The following SIPA1L1 variants were observed in gnomAD, a reference collection of about 807,000 sequenced individuals.
SIPA1L1 encodes the protein signal-induced proliferation-associated 1-like protein 1.
SIPA1L1 carries 26 observed loss-of-function variants against 162.7 expected under a neutral mutation model. That is an observed-to-expected ratio of 0.16 (90% CI 0.12 to 0.22). SIPA1L1 has a LOEUF of 0.22. Among genes scored for constraint, SIPA1L1 ranks in the 10% least tolerant of loss-of-function variants. The pLI, the probability that SIPA1L1 is intolerant of heterozygous loss-of-function variation, is 1.00. For synonymous variants in SIPA1L1, 829 were observed against 837.4 expected, an observed-to-expected ratio of 0.99 and a Z score of 0.17; for missense variants, 1,874 against 2,241.0, an observed-to-expected ratio of 0.84 and a Z score of 3.31.
chr14:71,643,207 G>A (rs148424949), intron 7 of SIPA1L1, among the ~76,000 whole-genome samples: 119 of 152,170 alleles, frequency 7.8e-4, no homozygotes, highest in Middle Eastern at 3.4e-3. Context: ...TTTCAAACCC[G>A]TGATACAGAG....
At chr14:71,728,047 C>T (rs1484227226) in intron 19 of SIPA1L1, among the ~76,000 whole-genome samples, 4 of 152,124 alleles carry the variant, frequency 2.6e-5, no homozygotes, top group South Asian at 2.1e-4. Context: ...CTAGAATTGG[C>T]GGAGGGTTTC....
intron 16 of SIPA1L1, among the ~76,000 whole-genome samples, chr14:71,706,205 CTGAGGAAAACCTTTCTA>C (rs1477630406): frequency 6.6e-6 from 1 of 152,018 alleles, no homozygotes; most frequent in Admixed American, 6.5e-5. Context: ...GAAAGGTTTT[CTGAGGAAAACCTTTCTA>C]TGAGGAAAAT....
chr14:71,624,083 C>T lies in SIPA1L1; in HGVS notation c.1665C>T (p.Ala555=), dbSNP rs369920011. ...MTLRGSVLED[A]IPSTAKHSTA... ...TGAGAGGTTCGGTCCTGGAGGACGC[C>T]ATTCCGTCGACAGCCAAGCACTCGA... The change falls in exon 7 of 24, where the codon GCC becomes GCT. Residue 555 remains alanine (A), a synonymous_variant. Coordinates refer to ENST00000381232, the MANE Select transcript of SIPA1L1 (RefSeq NM_001386936.1). 1.6e-5 allele frequency: 26 copies of T among 1,612,946 alleles called. No individual in the cohort carries two copies. Among genetic ancestry groups the T allele is most frequent in the Non-Finnish European group, 2.0e-5 (24 of 1,179,428 alleles).
At chr14:71,543,860 A>G (rs900832142) in intron 4 of SIPA1L1, among the ~76,000 whole-genome samples, 4 of 144,234 alleles carry the variant, frequency 2.8e-5, no homozygotes, top group South Asian at 2.2e-4. Context: ...ATATATACAT[A>G]TATCATACGT....
intron 2 of SIPA1L1, among the ~76,000 whole-genome samples, chr14:71,438,969 GT>G (rs146011158): frequency 3.4e-5 from 5 of 148,500 alleles, no homozygotes; most frequent in South Asian, 2.2e-4. Flanking sequence ...AGGAGAGCAG[GT>G]TTTTTTTTTG....
At chr14:71,367,017 G>T (rs1438139358) in intron 2 of SIPA1L1, among the ~76,000 whole-genome samples, 4 of 152,130 alleles carry the variant, frequency 2.6e-5, no homozygotes, top group Non-Finnish European at 5.9e-5. Flanking sequence ...AGAGGTCACT[G>T]TTAGTTGCAT....
chr14:71,667,441 A>G (rs982570917), intron 10 of SIPA1L1, among the ~76,000 whole-genome samples: 1 of 152,196 alleles, frequency 6.6e-6, no homozygotes. Flanking sequence ...GGACATCTTC[A>G]GCCTTGATCC....
rs187097483 is a variant in SIPA1L1 at position 71,476,769 on chromosome 14, G to A, written c.-464-35974G>A. Among the ~76,000 whole-genome samples, 542 of 151,584 alleles carry A rather than the reference G, an allele frequency of 3.6e-3. 4 individuals are homozygous for A. The highest frequency in any genetic ancestry group is 0.013 in the African/African-American group (518 of 41,286). On this transcript the variant is annotated intron_variant, in intron 2 of 23. Transcript: ENST00000381232. ...CTCAGCACACTGCAAGCTCTGCCTC[G>A]CGGGTTCACACCATTCCCCTGCCTC...
chr14:71,556,068 A>G (rs376762918), intron 4 of SIPA1L1, among the ~76,000 whole-genome samples: 1 of 152,228 alleles, frequency 6.6e-6, no homozygotes, highest in Non-Finnish European at 1.5e-5. Flanking sequence ...GCACTGACAG[A>G]CTTGCTCAAT....
intron 2 of SIPA1L1, among the ~76,000 whole-genome samples, chr14:71,431,878 T>G (rs954327709): frequency 1.3e-5 from 2 of 152,180 alleles, no homozygotes; most frequent in Non-Finnish European, 2.9e-5. Flanking sequence ...ATTTAATGTG[T>G]GTACACAGAA....
At chr14:71,649,100 C>A (rs935359390) in intron 7 of SIPA1L1, among the ~76,000 whole-genome samples, 2 of 152,096 alleles carry the variant, frequency 1.3e-5, no homozygotes, top group Non-Finnish European at 2.9e-5. Context: ...TTAGATAAAA[C>A]CTTACTGATG....
intron 7 of SIPA1L1, among the ~76,000 whole-genome samples, chr14:71,647,648 A>G (rs2042280822): frequency 6.6e-6 from 1 of 152,086 alleles, no homozygotes; most frequent in African/African-American, 2.4e-5. Context: ...CCCTGGAGGG[A>G]GAGAGTCAGG....
chr14:71,544,424 G>A (rs766057555), intron 4 of SIPA1L1, among the ~76,000 whole-genome samples: 3 of 151,632 alleles, frequency 2.0e-5, no homozygotes, highest in Non-Finnish European at 4.4e-5. Flanking sequence ...TCTGTAGCTT[G>A]CCTGTTCATT....
chr14:71,454,414 A>G (rs1444260780), intron 2 of SIPA1L1, among the ~76,000 whole-genome samples: 1 of 152,216 alleles, frequency 6.6e-6, no homozygotes, highest in Admixed American at 6.5e-5. Context: ...AATCTCAGAT[A>G]AAGGACTATT....
intron 7 of SIPA1L1, among the ~76,000 whole-genome samples, chr14:71,624,654 A>C (rs1271034082): frequency 6.6e-6 from 1 of 152,180 alleles, no homozygotes; most frequent in African/African-American, 2.4e-5. Flanking sequence ...TAATCTCCCT[A>C]CACTGTGAGA....
intron 2 of SIPA1L1, among the ~76,000 whole-genome samples, chr14:71,491,520 TTTG>T (rs71105781): frequency 1.7e-3 from 264 of 151,134 alleles, no homozygotes; most frequent in African/African-American, 5.3e-3. Flanking sequence ...GAGCAACCTG[TTTG>T]TTGTTGTTGT....
chr14:71,399,094 C>T (rs2041458622), intron 2 of SIPA1L1, among the ~76,000 whole-genome samples: 1 of 152,160 alleles, frequency 6.6e-6, no homozygotes, highest in African/African-American at 2.4e-5. Flanking sequence ...TAAGGAAACA[C>T]ACAGCTGAAA....
At chr14:71,553,334 G>C (rs539152299) in intron 4 of SIPA1L1, among the ~76,000 whole-genome samples, 42 of 152,258 alleles carry the variant, frequency 2.8e-4, no homozygotes, top group Non-Finnish European at 5.4e-4. Context: ...AAATATTCTG[G>C]GGGAATTTGT....
chr14:71,486,917 T>C (rs574445629), intron 2 of SIPA1L1, among the ~76,000 whole-genome samples: 5 of 152,338 alleles, frequency 3.3e-5, no homozygotes, highest in African/African-American at 4.8e-5. Context: ...GTTTTAGAAA[T>C]ATTTATGTAA....
Sources: allele counts gnomAD v4.1 joint callset (sites outside exome capture counted in the v4.1 genomes callset), GRCh38; gene constraint gnomAD v4.1.1; transcripts MANE v1.5; gene names NCBI Gene and HGNC (gene_info 2026-07-23, HGNC 2026-07-21).